The following ZNF423 variants were observed in gnomAD, a reference collection of about 807,000 sequenced individuals.
The protein encoded by ZNF423 is zinc finger protein 423, also known as Ebf-associated zinc finger protein.
In ZNF423, 12 loss-of-function variants were observed where a neutral mutation model predicts 95.8. The observed-to-expected ratio is 0.13, with a 90% CI of 0.08 to 0.20. The LOEUF (loss-of-function observed/expected upper bound fraction) is 0.20, where lower values mean the gene tolerates loss of function less well. Ranked by LOEUF, ZNF423 falls within the 10% of genes least tolerant of loss-of-function variation. ZNF423 has a pLI of 1.00. For missense variants in ZNF423, 1,316 were observed against 1,737.1 expected, an observed-to-expected ratio of 0.76 and a Z score of 4.31; for synonymous variants, 749 against 711.9, an observed-to-expected ratio of 1.05 and a Z score of -0.83.
intron 2 of ZNF423, among the ~76,000 whole-genome samples, chr16:49,732,024 A>G (rs1356103694): frequency 1.3e-5 from 2 of 152,228 alleles, no homozygotes; most frequent in African/African-American, 4.8e-5. Context: ...AGCCACCATT[A>G]TATATGCACA....
Position 49,638,340 on chromosome 16 carries a change from G to T in ZNF423, c.836C>A (p.Thr279Asn), listed in dbSNP as rs1972837180. 1 of 1,613,990 alleles carries T rather than the reference G, an allele frequency of 6.2e-7. No homozygotes were observed. Among genetic ancestry groups the T allele is most frequent in the African/African-American group, 1.3e-5 (1 of 74,936 alleles). Residue 279 changes from threonine (T) to asparagine (N), a missense_variant, in exon 4 of 8, where the codon ACC becomes AAC. This residue lies in a region of ZNF423 where 399 missense variants were observed against 478.5 expected (regional missense o/e 0.83). Coordinates refer to ENST00000563137, the MANE Select transcript of ZNF423 (RefSeq NM_001379286.1). This position sits in a 1 kb window ranked among gnomAD's most constrained non-coding sequence, Gnocchi z 5.6. ...DDFMCDYCED[T>N]FSQTEELEKH... is the part of the protein sequence containing the mutation. ...CTCCAGCTCCTCCGTCTGGCTGAAG[G>T]TGTCCTCGCAGTAGTCGCACATGAA...
intron 1 of ZNF423, among the ~76,000 whole-genome samples, chr16:49,853,301 C>A (rs77575280): frequency 2.6e-5 from 2 of 78,322 alleles, no homozygotes; most frequent in African/African-American, 9.0e-5. Context: ...AGGGGCGGGG[C>A]GGGGGGGGAG....
intron 1 of ZNF423, among the ~76,000 whole-genome samples, chr16:49,805,082 T>A (rs780774400): frequency 1.1e-4 from 17 of 151,862 alleles, no homozygotes; most frequent in Admixed American, 6.6e-4. Context: ...GTATATTTAG[T>A]AGAGATGGGG....
intron 3 of ZNF423, among the ~76,000 whole-genome samples, chr16:49,693,110 ACATGCCAAG>A (rs1394918080): frequency 6.6e-6 from 1 of 152,280 alleles, no homozygotes; most frequent in Non-Finnish European, 1.5e-5. Context: ...AGTGCTTATT[ACATGCCAAG>A]CATTGTTCTG....
chr16:49,543,500 G>A (rs908545418), intron 5 of ZNF423, among the ~76,000 whole-genome samples: 3 of 152,200 alleles, frequency 2.0e-5, no homozygotes, highest in South Asian at 2.1e-4. Context: ...CTGCGGGAGC[G>A]GATCCAATCC....
intron 3 of ZNF423, among the ~76,000 whole-genome samples, chr16:49,696,790 G>A (rs2031991369): frequency 6.6e-6 from 1 of 152,192 alleles, no homozygotes; most frequent in Non-Finnish European, 1.5e-5. Context: ...GAAGGTTAAT[G>A]TGGCTGCCCG....
At chr16:49,575,373 C>A (rs1478570756) in intron 5 of ZNF423, among the ~76,000 whole-genome samples, 1 of 152,136 alleles carries the variant, frequency 6.6e-6, no homozygotes, top group Non-Finnish European at 1.5e-5. Context: ...ACTAAACAAG[C>A]CCAACGCAAA....
intron 4 of ZNF423, among the ~76,000 whole-genome samples, chr16:49,630,505 G>A (rs766247826): frequency 2.0e-5 from 3 of 152,120 alleles, no homozygotes; most frequent in Non-Finnish European, 4.4e-5. Context: ...GATGAGGACC[G>A]CCCAGGCCTA....
At chr16:49,550,494 G>A (rs541373655) in intron 5 of ZNF423, among the ~76,000 whole-genome samples, 7 of 152,344 alleles carry the variant, frequency 4.6e-5, no homozygotes, top group South Asian at 2.1e-4. Flanking sequence ...ACTGAGGCTC[G>A]GAAAGAGAAG....
chr16:49,777,915 C>T (rs995717528), intron 2 of ZNF423, among the ~76,000 whole-genome samples: 3 of 152,270 alleles, frequency 2.0e-5, no homozygotes, highest in South Asian at 2.1e-4. Context: ...GCTGAGGATA[C>T]GACAGGAAGC....
At chr16:49,664,188 G>A in intron 3 of ZNF423, 2 of 985,536 alleles carry the variant, frequency 2.0e-6, no homozygotes, top group Non-Finnish European at 2.4e-6. Flanking sequence ...GGCAGGGCAG[G>A]CGAGGGCTGG....
At chr16:49,746,346 G>A (rs967906134) in intron 2 of ZNF423, among the ~76,000 whole-genome samples, 36 of 152,108 alleles carry the variant, frequency 2.4e-4, no homozygotes, top group African/African-American at 8.2e-4. Flanking sequence ...TGGACTCATC[G>A]AGCCTCAGCT....
chr16:49,794,787 T>A lies in ZNF423; in HGVS notation c.41-5241A>T, dbSNP rs373785675. Among the ~76,000 whole-genome samples the A allele has an allele frequency of 9.2e-5, 14 of 152,342 alleles. No homozygotes were observed. In the South Asian group the frequency reaches 1.7e-3, roughly 18 times the overall value. ...TTTCCTAGGCTTTTATCTGCCTCCC[T>A]CACTAGGGCATGGACAATGCCTGTC... On this transcript the variant is annotated intron_variant, in intron 1 of 7. Coordinates refer to ENST00000563137, the MANE Select transcript of ZNF423 (RefSeq NM_001379286.1).
In ZNF423 at chr16:49,756,904, G is replaced by A. The variant is rs983730719; in HGVS notation, c.101-25933C>T. On this transcript the variant is annotated intron_variant, in intron 2 of 7. Coordinates refer to ENST00000563137, the MANE Select transcript of ZNF423 (RefSeq NM_001379286.1). Reference sequence around the variant, plus strand: ...CAGGCCTCAGAACCCATGTCCACATGGCTGCATAATTCCTTGTTTTCTTCT... The same window carrying A: ...CAGGCCTCAGAACCCATGTCCACATAGCTGCATAATTCCTTGTTTTCTTCT... Among the ~76,000 whole-genome samples, 8 of 152,326 alleles carry A rather than the reference G, an allele frequency of 5.3e-5. No homozygotes were observed. In the East Asian group the frequency reaches 1.5e-3, roughly 29 times the overall value.
At chr16:49,810,953 A>G (rs1398335555) in intron 1 of ZNF423, among the ~76,000 whole-genome samples, 1 of 152,170 alleles carries the variant, frequency 6.6e-6, no homozygotes, top group African/African-American at 2.4e-5. Flanking sequence ...AAGGAGGGGC[A>G]TCAGGGTAAT....
At chr16:49,586,197 T>G (rs1214741459) in intron 5 of ZNF423, among the ~76,000 whole-genome samples, 1 of 152,110 alleles carries the variant, frequency 6.6e-6, no homozygotes, top group Non-Finnish European at 1.5e-5. Flanking sequence ...CCAGCAGACC[T>G]CTTCCCGCCT....
At chr16:49,710,147 G>A (rs1224883204) in intron 3 of ZNF423, among the ~76,000 whole-genome samples, 1 of 152,182 alleles carries the variant, frequency 6.6e-6, no homozygotes, top group East Asian at 1.9e-4. Context: ...GCACACAGTT[G>A]CTAGAGATAG....
chr16:49,778,787 CA>C lies in ZNF423; in HGVS notation c.100+10699del, dbSNP rs2034163407. Among the ~76,000 whole-genome samples the C allele has an allele frequency of 2.6e-5, 4 of 152,292 alleles. No homozygotes were observed. The South Asian group carries it at 8.3e-4, about 32-fold the overall frequency. On this transcript the variant is annotated intron_variant, in intron 2 of 7. Coordinates refer to ENST00000563137, the MANE Select transcript of ZNF423 (RefSeq NM_001379286.1). The stretch of plus-strand genomic sequence containing the variant: ...CTGTCACCCATACAGACGCAAAGCT[CA>C]GAGCTAAGCTCCTATGGCACTTCCC...
intron 2 of ZNF423, among the ~76,000 whole-genome samples, chr16:49,763,341 C>G (rs143440613): frequency 2.7e-5 from 4 of 149,976 alleles, no homozygotes; most frequent in Non-Finnish European, 5.9e-5. Context: ...TGCAGTGGAA[C>G]AATCATGGCT....
Sources: gnomAD v4.1 joint callset for allele counts (sites outside exome capture counted in the v4.1 genomes callset) on GRCh38, gnomAD v4.1.1 for gene constraint, gnomAD v4.1.1 regional missense constraint, Gnocchi (gnomAD v3.1) non-coding constraint, MANE v1.5 for transcripts, NCBI Gene and HGNC (gene_info 2026-07-23, HGNC 2026-07-21) for gene names.